Variants in GLIS3 observed in about 807,000 individuals in gnomAD.
The protein encoded by GLIS3 is zinc finger protein GLIS3.
GLIS3 carries 53 observed loss-of-function variants against 78.6 expected under a neutral mutation model. The observed-to-expected ratio is 0.67, with a 90% confidence interval of 0.54 to 0.85. The LOEUF is 0.85. GLIS3 is among the 40% of genes least tolerant of loss of function. The pLI is 0.00. For synonymous variants in GLIS3, 684 were observed against 509.9 expected, an observed-to-expected ratio of 1.34 and a Z score of -4.60; for missense variants, 1,703 against 1,231.1, an observed-to-expected ratio of 1.38 and a Z score of -5.74.
At chr9:4,189,137 G>C (rs1458728373) in intron 2 of GLIS3, among the ~76,000 whole-genome samples, 2 of 150,588 alleles carry the variant, frequency 1.3e-5, no homozygotes, top group Non-Finnish European at 3.0e-5. Flanking sequence ...GGCATTTAGT[G>C]CTATAAACTT....
chr9:4,192,614 T>G (rs1818426547), intron 2 of GLIS3, among the ~76,000 whole-genome samples: 1 of 152,198 alleles, frequency 6.6e-6, no homozygotes, highest in African/African-American at 2.4e-5. Context: ...CACTTATTCA[T>G]TTGTCCATTC....
intron 4 of GLIS3, among the ~76,000 whole-genome samples, chr9:4,043,807 A>T (rs1289448411): frequency 6.6e-6 from 1 of 152,212 alleles, no homozygotes; most frequent in Non-Finnish European, 1.5e-5. Context: ...GAGAAGAGTA[A>T]TTATTTCCTA....
intron 1 of GLIS3, among the ~76,000 whole-genome samples, chr9:4,296,337 GA>G (rs1258451125): frequency 6.6e-6 from 1 of 151,112 alleles, no homozygotes; most frequent in Admixed American, 6.6e-5. Context: ...CTCTCTTCTG[GA>G]ATGGCAGAAG....
intron 4 of GLIS3, among the ~76,000 whole-genome samples, chr9:3,984,473 G>T (rs1236368002): frequency 6.6e-6 from 1 of 152,186 alleles, no homozygotes; most frequent in Non-Finnish European, 1.5e-5. Flanking sequence ...CTTTGTTTCG[G>T]CCAATTTCTC....
intron 4 of GLIS3, among the ~76,000 whole-genome samples, chr9:4,008,658 A>G (rs1452224872): frequency 6.6e-6 from 1 of 152,168 alleles, no homozygotes; most frequent in East Asian, 1.9e-4. Context: ...AGCAACTCAC[A>G]AAGTACATGC....
At chr9:4,203,645 A>G (rs913233750) in intron 2 of GLIS3, among the ~76,000 whole-genome samples, 2 of 152,272 alleles carry the variant, frequency 1.3e-5, no homozygotes, top group Non-Finnish European at 2.9e-5. Flanking sequence ...CCAAAAAGAT[A>G]TATGCACTCG....
At chr9:4,448,155 C>T in the GLIS3 span, among the ~76,000 whole-genome samples, 1 of 152,226 alleles carries the variant, frequency 6.6e-6, no homozygotes, top group South Asian at 2.1e-4. Context: ...CCTGTCCCAA[C>T]TAAGATTGAT....
At chr9:3,839,186 T>C (rs1361589502) in intron 9 of GLIS3, among the ~76,000 whole-genome samples, 1 of 152,214 alleles carries the variant, frequency 6.6e-6, no homozygotes, top group Non-Finnish European at 1.5e-5. Context: ...AAATGTTGAG[T>C]GCCTTGCCTT....
At chr9:4,336,618 C>T (rs1255943937) in intron 2 of GLIS3, among the ~76,000 whole-genome samples, 2 of 152,196 alleles carry the variant, frequency 1.3e-5, no homozygotes, top group African/African-American at 4.8e-5. Flanking sequence ...AAAACCAAGA[C>T]TGCAAAACCA....
intron 2 of GLIS3, among the ~76,000 whole-genome samples, chr9:4,177,914 C>T (rs1388600321): frequency 6.6e-6 from 1 of 152,202 alleles, no homozygotes; most frequent in Non-Finnish European, 1.5e-5. Flanking sequence ...ACTCCCATCA[C>T]AGCTTGGTTC....
the GLIS3 span, among the ~76,000 whole-genome samples, chr9:4,397,475 G>C: frequency 2.0e-5 from 3 of 151,648 alleles, no homozygotes; most frequent in African/African-American, 7.3e-5. Flanking sequence ...TAGTAGGTGG[G>C]ATGTGTCCCA....
intron 2 of GLIS3, among the ~76,000 whole-genome samples, chr9:4,171,956 T>G (rs954398136): frequency 6.6e-6 from 1 of 152,214 alleles, no homozygotes; most frequent in African/African-American, 2.4e-5. Context: ...TTTATTTCAC[T>G]TGAGGTGATA....
chr9:4,403,102 G>A, the GLIS3 span, among the ~76,000 whole-genome samples: 2 of 152,152 alleles, frequency 1.3e-5, no homozygotes, highest in Admixed American at 6.5e-5. Flanking sequence ...TGCAATGGAA[G>A]TCCAACATGT....
intron 2 of GLIS3, among the ~76,000 whole-genome samples, chr9:4,162,272 CT>C (rs1307955504): frequency 1.3e-5 from 2 of 152,072 alleles, no homozygotes; most frequent in African/African-American, 4.8e-5. Context: ...CCGGTATGAC[CT>C]CATTTTTTTA....
At chr9:4,462,654 C>T in the GLIS3 span, among the ~76,000 whole-genome samples, 1 of 151,316 alleles carries the variant, frequency 6.6e-6, no homozygotes, top group African/African-American at 2.4e-5. Context: ...CACACACACA[C>T]ACACACACAT....
At position 4,195,377 on chromosome 9, in the gene GLIS3, G is replaced by A. The variant is rs139009406; in HGVS notation, c.389-69436C>T. 3.1e-3 allele frequency among the ~76,000 whole-genome samples: 478 copies of A among 152,316 alleles called. 3 individuals carry two copies. Among genetic ancestry groups the A allele is most frequent in the Non-Finnish European group, 5.2e-3 (353 of 68,010 alleles). On this transcript the variant is annotated intron_variant, in intron 2 of 10. Transcript: ENST00000381971. ...GTTCTGGGTGGGCGTGGGCTTGGCCGGCCCCACACTCGGAGAGGCCAGCCG... is the reference window on the plus strand; with the variant it reads ...GTTCTGGGTGGGCGTGGGCTTGGCCAGCCCCACACTCGGAGAGGCCAGCCG...
In GLIS3 at chr9:4,056,654, A is replaced by G. The variant is rs144961258; in HGVS notation, c.1710+61114T>C. 2.6e-3 allele frequency among the ~76,000 whole-genome samples: 394 copies of G among 152,262 alleles called. 2 individuals are homozygous for G. The highest frequency in any genetic ancestry group is 0.024 in the Middle Eastern group (7 of 294). On this transcript the variant is annotated intron_variant, in intron 4 of 10. Coordinates refer to ENST00000381971, the MANE Select transcript of GLIS3 (RefSeq NM_001042413.2). ...TGAGAGACGGGATATGAAAGAAAGG[A>G]GAAAAGAGAGACAAATTCAGACACA... is the stretch of plus-strand genomic sequence containing the variant.
At chr9:4,262,060 T>G (rs1375019449) in intron 2 of GLIS3, among the ~76,000 whole-genome samples, 1 of 152,072 alleles carries the variant, frequency 6.6e-6, no homozygotes, top group Non-Finnish European at 1.5e-5. Context: ...CAGCAATGAA[T>G]GGCTAGAAAG....
chr9:4,310,253 G>A (rs963985915), intron 3 of GLIS3: 1 of 152,060 alleles, frequency 6.6e-6, no homozygotes, highest in Admixed American at 6.5e-5. Context: ...ATGCTCATGT[G>A]GCCCAGGAAA....
Sources: allele counts gnomAD v4.1 joint callset (sites outside exome capture counted in the v4.1 genomes callset), GRCh38; gene constraint gnomAD v4.1.1; transcripts MANE v1.5; gene names NCBI Gene and HGNC (gene_info 2026-07-23, HGNC 2026-07-21).